Variants in SV2C observed in about 807,000 individuals in gnomAD.
SV2C encodes solute carrier family 22 member B3.
SV2C carries 49 observed loss-of-function variants against 79.7 expected under a neutral mutation model. That is an observed-to-expected ratio of 0.61 (90% confidence interval 0.49 to 0.78). SV2C has a LOEUF of 0.78. SV2C is among the 30% of genes least tolerant of loss of function. The pLI, the probability that SV2C is intolerant of heterozygous loss-of-function variation, is 0.00. For missense variants in SV2C, 833 were observed against 912.9 expected, an observed-to-expected ratio of 0.91 and a Z score of 1.13; for synonymous variants, 334 against 333.2, an observed-to-expected ratio of 1.00 and a Z score of -0.03.
At chr5:76,063,031 G>A in the SV2C span, among the ~76,000 whole-genome samples, 1 of 152,068 alleles carries the variant, frequency 6.6e-6, no homozygotes, top group African/African-American at 2.4e-5. Context: ...TTCATACTTT[G>A]GTTTAACTCT....
At chr5:76,245,161 T>C (rs1299053361) in intron 4 of SV2C, among the ~76,000 whole-genome samples, 2 of 152,196 alleles carry the variant, frequency 1.3e-5, no homozygotes, top group Non-Finnish European at 2.9e-5. Flanking sequence ...TATATTTATA[T>C]TTGCATTTCC....
intron 2 of SV2C, among the ~76,000 whole-genome samples, chr5:76,194,553 C>A (rs1744211155): frequency 6.6e-6 from 1 of 152,268 alleles, no homozygotes; most frequent in Non-Finnish European, 1.5e-5. Flanking sequence ...GAAAAATATA[C>A]CCTCCACACC....
chr5:76,347,403 C>T (rs1749564580), intron 12 of SV2C, among the ~76,000 whole-genome samples: 1 of 151,926 alleles, frequency 6.6e-6, no homozygotes, highest in Admixed American at 6.6e-5. Context: ...CACATTCCAC[C>T]ATGTACCTTC....
intron 4 of SV2C, among the ~76,000 whole-genome samples, chr5:76,276,371 A>G (rs1327131702): frequency 6.6e-6 from 1 of 152,184 alleles, no homozygotes; most frequent in Non-Finnish European, 1.5e-5. Flanking sequence ...GCCCCCTGCT[A>G]TGGGACATGC....
intron 4 of SV2C, among the ~76,000 whole-genome samples, chr5:76,241,338 CAG>C (rs1745780560): frequency 6.6e-6 from 1 of 152,016 alleles, no homozygotes; most frequent in African/African-American, 2.4e-5. Flanking sequence ...TACCAAAAAT[CAG>C]AAAGCCACTA....
At chr5:75,862,273 T>G in the SV2C span, among the ~76,000 whole-genome samples, 1 of 152,192 alleles carries the variant, frequency 6.6e-6, no homozygotes, top group African/African-American at 2.4e-5. Context: ...TAATTTAACA[T>G]GAGGCTACAG....
the SV2C span, among the ~76,000 whole-genome samples, chr5:75,906,054 G>T: frequency 1.3e-5 from 2 of 151,578 alleles, no homozygotes; most frequent in African/African-American, 4.9e-5. Context: ...GAACAGCACA[G>T]CTACAAGCTA....
At chr5:76,121,390 A>G (rs1353202365) in intron 1 of SV2C, among the ~76,000 whole-genome samples, 3 of 150,976 alleles carry the variant, frequency 2.0e-5, no homozygotes, top group Admixed American at 6.6e-5. Context: ...CCATTTGTCA[A>G]TTTTGGCTTT....
chr5:76,256,422 C>T (rs1047360392), intron 4 of SV2C, among the ~76,000 whole-genome samples: 4 of 152,164 alleles, frequency 2.6e-5, no homozygotes, highest in Admixed American at 2.0e-4. Flanking sequence ...CTTTTAATAG[C>T]GCAGCGTCTG....
chr5:75,873,933 A>AG, the SV2C span, among the ~76,000 whole-genome samples: 1 of 152,144 alleles, frequency 6.6e-6, no homozygotes, highest in African/African-American at 2.4e-5. Context: ...AACCAAAAAA[A>AG]GCCCGAGACC....
chr5:76,319,197 G>T (rs531293764), intron 12 of SV2C, among the ~76,000 whole-genome samples: 85 of 151,776 alleles, frequency 5.6e-4, no homozygotes, highest in African/African-American at 2.0e-3. Context: ...GATTAATTGG[G>T]CCCAGCAGTT....
chr5:76,078,407 G>C (rs1402361007), upstream of SV2C, among the ~76,000 whole-genome samples: 1 of 152,232 alleles, frequency 6.6e-6, no homozygotes, highest in Non-Finnish European at 1.5e-5. Context: ...GCTGGATAGT[G>C]AGAAAGGGAC....
intron 2 of SV2C, among the ~76,000 whole-genome samples, chr5:76,136,901 T>C (rs1749088652): frequency 6.6e-6 from 1 of 152,192 alleles, no homozygotes; most frequent in African/African-American, 2.4e-5. Context: ...ATTGTGGATA[T>C]ATTGTGAAGA....
chr5:75,966,180 G>T, the SV2C span, among the ~76,000 whole-genome samples: 2 of 152,174 alleles, frequency 1.3e-5, no homozygotes, highest in East Asian at 3.9e-4. Flanking sequence ...TAACTCCTGG[G>T]AGTTTTATAT....
At chr5:76,021,533 C>T in the SV2C span, among the ~76,000 whole-genome samples, 1 of 152,196 alleles carries the variant, frequency 6.6e-6, no homozygotes, top group African/African-American at 2.4e-5. Context: ...TCACTATTCT[C>T]AGTACCCAGC....
chr5:75,878,207 AT>A, the SV2C span, among the ~76,000 whole-genome samples: 3 of 152,172 alleles, frequency 2.0e-5, no homozygotes, highest in African/African-American at 7.2e-5. Context: ...GTTGATATGA[AT>A]ACCAATATCT....
chr5:76,018,817 G>T, the SV2C span, among the ~76,000 whole-genome samples: 1 of 152,286 alleles, frequency 6.6e-6, no homozygotes, highest in Non-Finnish European at 1.5e-5. Context: ...ACCCTAAGAG[G>T]TTTTAAAAGC....
the SV2C span, among the ~76,000 whole-genome samples, chr5:76,049,024 A>AAAGAAAGAAAGGAAAGAAAGAAAGAG: frequency 8.3e-6 from 1 of 120,612 alleles, no homozygotes; most frequent in African/African-American, 3.2e-5. Flanking sequence ...AGAAAGAAAG[A>AAAGAAAGAAAGGAAAGAAAGAAAGAG]AAAAGAAAAG....
the SV2C span, among the ~76,000 whole-genome samples, chr5:75,900,708 A>G: frequency 2.0e-5 from 3 of 152,266 alleles, no homozygotes; most frequent in African/African-American, 7.2e-5. Flanking sequence ...TAGTACACCA[A>G]TCTGATTGTA....
Sources: gnomAD v4.1 joint callset for allele counts (sites outside exome capture counted in the v4.1 genomes callset) on GRCh38, gnomAD v4.1.1 for gene constraint, MANE v1.5 for transcripts, NCBI Gene and HGNC (gene_info 2026-07-23, HGNC 2026-07-21) for gene names.